Variants in ARFGAP3 observed in about 807,000 individuals in gnomAD.
The protein encoded by ARFGAP3 is ADP-ribosylation factor GTPase-activating protein 3.
In ARFGAP3, 72 loss-of-function variants were observed where a neutral mutation model predicts 75.0. The ratio of observed to expected loss-of-function variants is 0.96; its 90% CI spans 0.79 to 1.17. The LOEUF (loss-of-function observed/expected upper bound fraction) is 1.17, where lower values mean the gene tolerates loss of function less well. Among genes scored for constraint, ARFGAP3 ranks in the 50% most tolerant of loss-of-function variants. The pLI is 0.00. For synonymous variants in ARFGAP3, 221 were observed against 217.9 expected (o/e 1.01, Z -0.13); for missense variants, 620 against 626.6 (o/e 0.99, Z 0.11).
chr22:42,845,907 G>C (rs5758979), intron 2 of ARFGAP3, among the ~76,000 whole-genome samples: 1 of 151,446 alleles, frequency 6.6e-6, no homozygotes, highest in Non-Finnish European at 1.5e-5. Context: ...GTGTGGTGGC[G>C]CGCACTTGTA....
chr22:42,847,771 T>A, intron 1 of ARFGAP3, 139 bp from the exon 2 acceptor site: 1 of 999,068 alleles, frequency 1.0e-6, no homozygotes, highest in Non-Finnish European at 1.3e-6. Flanking sequence ...AGAAAATATC[T>A]CACCTAGGTT....
chr22:42,817,273 A>C lies in ARFGAP3; in HGVS notation c.942-9T>G. On this transcript the variant is annotated splice_polypyrimidine_tract_variant and intron_variant, in intron 10 of 15. Transcript: ENST00000263245. ...CTGAATGTGAAATAACACTTGAGAAAACAGAAAAATATATATATCAGTAAG... is the reference window on the plus strand; with the variant it reads ...CTGAATGTGAAATAACACTTGAGAACACAGAAAAATATATATATCAGTAAG... The C allele has an allele frequency of 6.3e-7, 1 of 1,597,910 alleles. No individual in the cohort carries two copies. The highest frequency in any genetic ancestry group is 8.5e-7 in the Non-Finnish European group (1 of 1,171,276).
At chr22:42,825,701 A>AG (rs1198749364) in intron 7 of ARFGAP3, among the ~76,000 whole-genome samples, 1 of 151,586 alleles carries the variant, frequency 6.6e-6, no homozygotes, top group Non-Finnish European at 1.5e-5. Context: ...AAAAAAAAAA[A>AG]GAAACATAAA....
intron 2 of ARFGAP3, among the ~76,000 whole-genome samples, chr22:42,842,011 C>CTTTTTTTTTTTTTTTTT (rs55825441): frequency 1.1e-5 from 1 of 91,274 alleles, no homozygotes; most frequent in Non-Finnish European, 2.0e-5. Flanking sequence ...CCATGCCGGG[C>CTTTTTTTTTTTTTTTTT]TTTTTTTTTT....
chr22:42,834,623 T>TTATCCA (rs1926441411), intron 4 of ARFGAP3, among the ~76,000 whole-genome samples: 1 of 152,240 alleles, frequency 6.6e-6, no homozygotes, highest in Admixed American at 6.5e-5. Flanking sequence ...TCAATCCTTG[T>TTATCCA]TATTCATGGA....
intron 1 of ARFGAP3, among the ~76,000 whole-genome samples, chr22:42,855,344 T>C (rs1318664958): frequency 1.3e-5 from 2 of 152,210 alleles, no homozygotes; most frequent in African/African-American, 2.4e-5. Context: ...GATCCTAATC[T>C]TGACTAAGTT....
rs3046479 is a variant in ARFGAP3 at position 42,812,224 on chromosome 22, C to CAAAAAAAA, written c.1065-1288_1065-1281dup. ...TGGGTGACAGAGTGGGATACTGTCT[C>CAAAAAAAA]AAAAAAAAAAAAAAAAAAAAAAAGG... On this transcript the variant is annotated intron_variant, in intron 11 of 15. Coordinates refer to ENST00000263245, the MANE Select transcript of ARFGAP3 (RefSeq NM_014570.5). 3.5e-5 allele frequency among the ~76,000 whole-genome samples: 2 copies of CAAAAAAAA among 56,628 alleles called. 1 individual carries two copies. The highest frequency in any genetic ancestry group is 6.4e-5 in the Non-Finnish European group (2 of 31,408). 37.2% of individuals were successfully genotyped at this position (56,628 alleles called of 152,430 possible).
chr22:42,829,904 T>C (rs1926209387), intron 6 of ARFGAP3, among the ~76,000 whole-genome samples: 1 of 152,226 alleles, frequency 6.6e-6, no homozygotes, highest in Non-Finnish European at 1.5e-5. Context: ...CTTTGTTTTA[T>C]TATTTGTTTC....
rs1475025711 is a variant in ARFGAP3 at position 42,796,817 on chromosome 22, T to C, written c.*771A>G. 2.6e-5 allele frequency: 4 copies of C among 152,252 alleles called. No individual in the cohort carries two copies. The East Asian group carries it at 7.7e-4, about 29-fold the overall frequency. 9.4% of individuals were successfully genotyped at this position (152,252 alleles called of 1,614,324 possible). ...TACACGCAACTATTTTCTGTAGCTG[T>C]ATCTTCTTACCTCATTCCACTTTAA... On this transcript the variant is annotated 3_prime_UTR_variant, in exon 16 of 16. Coordinates refer to ENST00000263245, the MANE Select transcript of ARFGAP3 (RefSeq NM_014570.5).
At chr22:42,832,772 G>C (rs921595092) in intron 5 of ARFGAP3, among the ~76,000 whole-genome samples, 1 of 151,888 alleles carries the variant, frequency 6.6e-6, no homozygotes, top group Non-Finnish European at 1.5e-5. Context: ...GATCACCTGA[G>C]GTCAGGAGTT....
chr22:42,818,913 A>T (rs1407213838), intron 9 of ARFGAP3, among the ~76,000 whole-genome samples: 1 of 150,762 alleles, frequency 6.6e-6, no homozygotes, highest in Non-Finnish European at 1.5e-5. Flanking sequence ...ACGAGGTTCA[A>T]GCAATTCTCC....
At chr22:42,823,077 T>C (rs554785334) in intron 8 of ARFGAP3, among the ~76,000 whole-genome samples, 27 of 152,266 alleles carry the variant, frequency 1.8e-4, no homozygotes, top group African/African-American at 6.5e-4. Context: ...CCCAAAGTGC[T>C]GGGATTACAG....
In ARFGAP3 at chr22:42,857,233, A is replaced by G; in HGVS notation, c.-51T>C. On this transcript the variant is annotated 5_prime_UTR_variant, in exon 1 of 16. Transcript: ENST00000263245. ...TGGCCCAGCCAACCGGTAAGAGTCG[A>G]CGAAAAGCGGCTACCGCCTCAGCAG... 1 of 1,490,072 alleles carries G rather than the reference A, an allele frequency of 6.7e-7. No homozygotes were observed. The highest frequency in any genetic ancestry group is 9.0e-7 in the Non-Finnish European group (1 of 1,115,708). The allele number at this position is 1,490,072 out of a possible 1,614,324, so 92.3% of individuals were successfully genotyped here. A position where few individuals can be genotyped will look rare whatever the true frequency, so the allele number is the denominator to read the frequency against.
rs1357595054 is a variant in ARFGAP3, at chr22:42,856,719, G to T, written c.69+395C>A. Among the ~76,000 whole-genome samples the T allele has an allele frequency of 5.9e-5, 9 of 152,228 alleles. No individual in the cohort carries two copies. The South Asian group carries it at 1.7e-3, about 28-fold the overall frequency. ...TCCAGGGTGGCGCTGGGGGAGCCGC[G>T]CTTTCCCCGCATCCGGCGCCAGCAG... On this transcript the variant is annotated intron_variant, in intron 1 of 15. Transcript: ENST00000263245.
chr22:42,856,552 G>A (rs1927509889), intron 1 of ARFGAP3, among the ~76,000 whole-genome samples: 1 of 152,190 alleles, frequency 6.6e-6, no homozygotes, highest in Non-Finnish European at 1.5e-5. Context: ...AGAGGGAGGA[G>A]GCTGTGGTGA....
chr22:42,840,815 G>C, intron 3 of ARFGAP3, 129 bp downstream of exon 3: 1 of 975,448 alleles, frequency 1.0e-6, no homozygotes, highest in South Asian at 1.7e-5. Context: ...CCAAACGCCT[G>C]TAATTTCAGC....
chr22:42,827,128 G>A, intron 6 of ARFGAP3, 129 bp from the exon 7 acceptor site: 2 of 1,375,572 alleles, frequency 1.5e-6, no homozygotes, highest in Admixed American at 3.1e-5. Flanking sequence ...TACCTTTTTA[G>A]CTGTATATTC....
chr22:42,844,589 GAA>G (rs747473607), intron 2 of ARFGAP3, among the ~76,000 whole-genome samples: 2 of 58,586 alleles, frequency 3.4e-5, no homozygotes, highest in Admixed American at 2.2e-4. Context: ...TGTCTCAAAG[GAA>G]AAAAAAAAAA....
intron 1 of ARFGAP3, among the ~76,000 whole-genome samples, chr22:42,849,547 C>T (rs1927177426): frequency 1.4e-5 from 2 of 142,144 alleles, no homozygotes; most frequent in African/African-American, 2.7e-5. Context: ...GGTCCTAGCT[C>T]GCTGCTTTAT....
Sources: gnomAD v4.1 joint callset for allele counts (sites outside exome capture counted in the v4.1 genomes callset) on GRCh38, gnomAD v4.1.1 for gene constraint, MANE v1.5 for transcripts, NCBI Gene and HGNC (gene_info 2026-07-23, HGNC 2026-07-21) for gene names.